Variants in RTN4 observed in about 807,000 individuals in gnomAD.
The protein encoded by RTN4 is reticulon-4.
In RTN4, 32 loss-of-function variants were observed where a neutral mutation model predicts 90.4. That is an observed-to-expected ratio of 0.35 (90% confidence interval 0.27 to 0.48). The LOEUF (loss-of-function observed/expected upper bound fraction) is 0.48. Ranked by LOEUF, RTN4 falls within the 20% of genes least tolerant of loss-of-function variation. The pLI is 0.99. For synonymous variants in RTN4, 629 were observed against 552.5 expected (o/e 1.14, Z -1.94); for missense variants, 1,706 against 1,430.2 (o/e 1.19, Z -3.11).
chr2:55,051,443 A>G (rs1668087210), upstream of RTN4, among the ~76,000 whole-genome samples: 1 of 152,242 alleles, frequency 6.6e-6, no homozygotes, highest in Non-Finnish European at 1.5e-5. Flanking sequence ...TTTGATATGC[A>G]GGAATAAGCA....
intron 3 of RTN4, among the ~76,000 whole-genome samples, chr2:55,015,349 T>C (rs1680956090): frequency 1.3e-5 from 2 of 152,208 alleles, no homozygotes; most frequent in Admixed American, 6.5e-5. Context: ...CAATTTTAAA[T>C]AGATCAGAAC....
At chr2:55,115,038 C>A (rs1413992009), upstream of RTN4, among the ~76,000 whole-genome samples, 1 of 152,200 alleles carries the variant, frequency 6.6e-6, no homozygotes. Flanking sequence ...ATAAAAACTT[C>A]TCCCTTCAGA....
chr2:54,972,833 C>A lies in RTN4; in HGVS notation c.*323G>T. 2.0e-5 allele frequency: 4 copies of A among 204,634 alleles called. No individual in the cohort carries two copies. Among genetic ancestry groups the A allele is most frequent in the East Asian group, 1.0e-4 (1 of 9,644 alleles). The allele number at this position is 204,634 out of a possible 1,614,324, so 12.7% of individuals were successfully genotyped here. On this transcript the variant is annotated 3_prime_UTR_variant, in exon 9 of 9. Transcript: ENST00000337526. Reference sequence around the variant, plus strand: ...TTTTCTAGCTCCACCATCTCTGCAACTTGCCAAGATGCGGCAAGACTATCT... The same window carrying A: ...TTTTCTAGCTCCACCATCTCTGCAAATTGCCAAGATGCGGCAAGACTATCT...
chr2:55,067,012 G>A (rs1275798112), intron 2 of RTN4, among the ~76,000 whole-genome samples: 3 of 152,054 alleles, frequency 2.0e-5, no homozygotes, highest in African/African-American at 4.8e-5. Context: ...TTACCCAAAA[G>A]TACAGTAATT....
At chr2:55,066,076 A>G (rs1668384305) in intron 2 of RTN4, among the ~76,000 whole-genome samples, 1 of 152,246 alleles carries the variant, frequency 6.6e-6, no homozygotes, top group Non-Finnish European at 1.5e-5. Flanking sequence ...AAATTTTTAA[A>G]AAGAATAGAA....
chr2:55,048,580 C>G (rs1667905376), intron 1 of RTN4, among the ~76,000 whole-genome samples: 1 of 152,020 alleles, frequency 6.6e-6, no homozygotes, highest in Admixed American at 6.6e-5. Context: ...CAAGACGTCG[C>G]TAGGCGGCAG....
intron 3 of RTN4, among the ~76,000 whole-genome samples, chr2:55,020,664 T>A (rs971619375): frequency 2.0e-5 from 3 of 152,174 alleles, no homozygotes; most frequent in Non-Finnish European, 4.4e-5. Flanking sequence ...GCAAAATCAA[T>A]CTTTCTTCCC....
chr2:55,107,882 G>A (rs1201047307), intron 1 of RTN4, among the ~76,000 whole-genome samples: 1 of 152,056 alleles, frequency 6.6e-6, no homozygotes, highest in East Asian at 1.9e-4. Flanking sequence ...ACTAGATTCT[G>A]TACAACCTCA....
intron 1 of RTN4, among the ~76,000 whole-genome samples, chr2:55,045,128 T>C (rs960589172): frequency 2.0e-5 from 3 of 152,236 alleles, no homozygotes; most frequent in African/African-American, 7.2e-5. Context: ...AATGGCTTCA[T>C]GATAGTAAAA....
intron 2 of RTN4, among the ~76,000 whole-genome samples, chr2:55,072,450 C>T (rs1330859741): frequency 2.0e-5 from 3 of 151,992 alleles, no homozygotes; most frequent in African/African-American, 4.8e-5. Flanking sequence ...AGGATGGTCT[C>T]GATCTCCTGA....
At chr2:55,043,022 A>G (rs1029309955) in intron 1 of RTN4, among the ~76,000 whole-genome samples, 1 of 152,348 alleles carries the variant, frequency 6.6e-6, no homozygotes, top group Non-Finnish European at 1.5e-5. Context: ...TCAATAGCTT[A>G]AATATGAAAT....
chr2:55,050,004 G>T lies in RTN4; in HGVS notation c.297C>A (p.Pro99=), dbSNP rs763781497. The T allele has an allele frequency of 5.8e-6, 8 of 1,375,896 alleles. No homozygotes were observed. In the South Asian group the frequency reaches 1.2e-4, roughly 20 times the overall value. The allele number at this position is 1,375,896 out of a possible 1,614,324, so 85.2% of individuals were successfully genotyped here. ...APRGPLPAAP[P]VAPERQPSWD... is the part of the protein sequence containing the mutation. ...AAGACGGCTGCCGCTCCGGGGCGACGGGGGGAGCGGCCGGCAGGGGTCCCC... is the reference window on the plus strand; with the variant it reads ...AAGACGGCTGCCGCTCCGGGGCGACTGGGGGAGCGGCCGGCAGGGGTCCCC... The change falls in exon 1 of 9, where the codon CCC becomes CCA. Residue 99 remains proline (P), a synonymous_variant. Transcript: ENST00000337526. The surrounding 1 kb of genome is among the most constrained non-coding windows in gnomAD (Gnocchi z 4.6).
chr2:55,096,866 G>T (rs1287654558), intron 1 of RTN4, among the ~76,000 whole-genome samples: 1 of 150,606 alleles, frequency 6.6e-6, no homozygotes, highest in Non-Finnish European at 1.5e-5. Context: ...ACGAAGAAAG[G>T]CTTCCCTACA....
intron 3 of RTN4, among the ~76,000 whole-genome samples, chr2:55,007,731 A>G (rs941930759): frequency 1.3e-5 from 2 of 152,174 alleles, no homozygotes; most frequent in Non-Finnish European, 2.9e-5. Context: ...TTTAAGAAGC[A>G]CTAGATGATT....
intron 1 of RTN4, chr2:55,049,108 C>A: frequency 1.0e-6 from 1 of 985,954 alleles, no homozygotes; most frequent in Non-Finnish European, 1.2e-6. Context: ...TTTCTCCACG[C>A]ACCACACCAC....
At chr2:55,095,120 C>A (rs977450498) in intron 1 of RTN4, among the ~76,000 whole-genome samples, 1 of 152,028 alleles carries the variant, frequency 6.6e-6, no homozygotes, top group African/African-American at 2.4e-5. Context: ...TTCAGGAGTT[C>A]GAGATCAGCC....
At chr2:55,016,519 G>A (rs1037340209) in intron 3 of RTN4, among the ~76,000 whole-genome samples, 1 of 152,164 alleles carries the variant, frequency 6.6e-6, no homozygotes, top group African/African-American at 2.4e-5. Flanking sequence ...GGAGGCAGAG[G>A]TTGCAGTGAG....
rs1441260986 is a variant in RTN4 at position 55,056,160 on chromosome 2, T to C, written c.-63+24329A>G. On this transcript the variant is annotated intron_variant, in intron 2 of 3. Transcript: ENST00000427710. ...TTCATAAGTTTTAAATTGTGTTCTGTTCTGAGTAGCATGATGAAATCTCAA... is the reference window on the plus strand; with the variant it reads ...TTCATAAGTTTTAAATTGTGTTCTGCTCTGAGTAGCATGATGAAATCTCAA... Among the ~76,000 whole-genome samples, 5 of 152,284 alleles carry C rather than the reference T, an allele frequency of 3.3e-5. No homozygotes were observed. In the South Asian group the frequency reaches 8.3e-4, roughly 25 times the overall value.
chr2:55,071,006 G>C (rs934841958), intron 2 of RTN4, among the ~76,000 whole-genome samples: 4 of 151,018 alleles, frequency 2.6e-5, no homozygotes, highest in Admixed American at 2.6e-4. Context: ...TCAATCTCCT[G>C]ACCTCGTGAT....
Sources: allele counts gnomAD v4.1 joint callset (sites outside exome capture counted in the v4.1 genomes callset), GRCh38; gene constraint gnomAD v4.1.1; non-coding constraint Gnocchi (gnomAD v3.1); transcripts MANE v1.5; gene names NCBI Gene and HGNC (gene_info 2026-07-23, HGNC 2026-07-21).